Variants in ARHGAP26 observed in about 807,000 individuals in gnomAD.
The protein encoded by ARHGAP26 is Rho GTPase activating protein 26.
ARHGAP26 carries 38 observed loss-of-function variants against 104.8 expected under a neutral mutation model. That is an observed-to-expected ratio of 0.36 (90% CI 0.28 to 0.48). The LOEUF (loss-of-function observed/expected upper bound fraction) is 0.48, where lower values mean the gene tolerates loss of function less well. Ranked by LOEUF, ARHGAP26 falls within the 20% of genes least tolerant of loss-of-function variation. ARHGAP26 has a pLI of 0.99. For synonymous variants in ARHGAP26, 341 were observed against 340.0 expected (o/e 1.00, Z -0.03); for missense variants, 704 against 947.9 (o/e 0.74, Z 3.38).
At chr5:142,923,676 G>A (rs760584938) in intron 10 of ARHGAP26, among the ~76,000 whole-genome samples, 9 of 152,080 alleles carry the variant, frequency 5.9e-5, no homozygotes, top group Non-Finnish European at 1.3e-4. Context: ...TGGGCTTCCC[G>A]ATGTTTTACG....
intron 11 of ARHGAP26, among the ~76,000 whole-genome samples, chr5:142,992,824 C>T (rs1775815597): frequency 6.6e-6 from 1 of 152,222 alleles, no homozygotes; most frequent in South Asian, 2.1e-4. Context: ...TCATAGCTGA[C>T]ACTGCTGGGT....
chr5:143,016,450 A>G (rs112163591), intron 12 of ARHGAP26, among the ~76,000 whole-genome samples: 9 of 152,176 alleles, frequency 5.9e-5, no homozygotes, highest in Non-Finnish European at 1.3e-4. Flanking sequence ...CACGCCTGTA[A>G]TCCCAGCACT....
chr5:142,838,013 C>A (rs552855367), intron 1 of ARHGAP26, among the ~76,000 whole-genome samples: 7 of 152,260 alleles, frequency 4.6e-5, no homozygotes, highest in African/African-American at 1.4e-4. Context: ...AGTTCTGGCA[C>A]TTTGAGAAGC....
At chr5:143,011,738 A>T (rs1778788807) in intron 11 of ARHGAP26, among the ~76,000 whole-genome samples, 1 of 152,306 alleles carries the variant, frequency 6.6e-6, no homozygotes, top group South Asian at 2.1e-4. Flanking sequence ...TATAGATGAT[A>T]AAGATGCTGC....
chr5:143,057,602 G>A (rs756853981), intron 16 of ARHGAP26, 40 bp from the exon 17 acceptor site: 3 of 1,548,072 alleles, frequency 1.9e-6, no homozygotes, highest in Non-Finnish European at 2.7e-6. Flanking sequence ...TTGTTTAGCT[G>A]TGACACTGAT....
rs1811712912 is a variant in ARHGAP26 at position 143,226,741 on chromosome 5, T to A, written c.*4295T>A. 4.6e-6 allele frequency: 1 copy of A among 218,900 alleles called. No homozygotes were observed. The allele number at this position is 218,900 out of a possible 1,614,324, so 13.6% of individuals were successfully genotyped here. A position where few individuals can be genotyped will look rare whatever the true frequency, so the allele number is the denominator to read the frequency against. The stretch of plus-strand genomic sequence containing the variant: ...TGTTTTCTTATGTCAGACCACACTG[T>A]CTTTTTGAATATCAGTTCATTTCCT... On this transcript the variant is annotated 3_prime_UTR_variant, in exon 23 of 23. Coordinates refer to ENST00000645722, the MANE Select transcript of ARHGAP26 (RefSeq NM_001135608.3).
At position 143,199,110 on chromosome 5, in the gene ARHGAP26, G is replaced by T. The variant is rs144187973; in HGVS notation, c.1989-8088G>T. 3.4e-3 allele frequency among the ~76,000 whole-genome samples: 517 copies of T among 152,276 alleles called. 2 individuals carry two copies. Among genetic ancestry groups the T allele is most frequent in the African/African-American group, 0.012 (503 of 41,560 alleles). ...AAATAAGAAACCGAACTCTGTCATT[G>T]TTTAAATAAAAATGCATGTTAAATT... is the stretch of plus-strand genomic sequence containing the variant. On this transcript the variant is annotated intron_variant, in intron 20 of 22. Transcript: ENST00000645722.
At chr5:143,143,388 G>A (rs951877315) in intron 19 of ARHGAP26, among the ~76,000 whole-genome samples, 8 of 152,106 alleles carry the variant, frequency 5.3e-5, no homozygotes, top group African/African-American at 1.2e-4. Context: ...AAGTGAAGTC[G>A]CTTAGCTCCC....
At chr5:142,810,707 A>T (rs887453470) in intron 1 of ARHGAP26, among the ~76,000 whole-genome samples, 3 of 152,142 alleles carry the variant, frequency 2.0e-5, no homozygotes, top group African/African-American at 4.8e-5. Context: ...TGCTACATTG[A>T]TGTAATACCT....
chr5:143,164,409 C>T (rs1801664366), intron 20 of ARHGAP26, among the ~76,000 whole-genome samples: 2 of 152,174 alleles, frequency 1.3e-5, no homozygotes. Context: ...ATTTCCTCTT[C>T]CTTACAAGCC....
intron 17 of ARHGAP26, among the ~76,000 whole-genome samples, chr5:143,078,825 G>T (rs186749498): frequency 6.6e-6 from 1 of 152,186 alleles, no homozygotes; most frequent in African/African-American, 2.4e-5. Context: ...GACTTTCTTA[G>T]CATCTGAGCT....
intron 1 of ARHGAP26, among the ~76,000 whole-genome samples, chr5:142,776,237 T>C (rs187461295): frequency 6.6e-6 from 1 of 152,324 alleles, no homozygotes; most frequent in Non-Finnish European, 1.5e-5. Context: ...CCTCCCAAAG[T>C]GCTGCGATTA....
At chr5:143,177,550 A>G (rs1599378755) in intron 20 of ARHGAP26, among the ~76,000 whole-genome samples, 1 of 152,210 alleles carries the variant, frequency 6.6e-6, no homozygotes, top group Admixed American at 6.5e-5. Flanking sequence ...CTTGGAGACA[A>G]GGTGCTGTCG....
intron 20 of ARHGAP26, chr5:143,203,188 A>T (rs1163326681): frequency 5.9e-5 from 9 of 152,222 alleles, no homozygotes; most frequent in Non-Finnish European, 1.5e-5. Context: ...CAAAGGGCTA[A>T]TATCCAGAAT....
Position 142,781,067 on chromosome 5 carries a change from T to C in ARHGAP26, c.154+10152T>C, listed in dbSNP as rs867597698. On this transcript the variant is annotated intron_variant, in intron 1 of 22. Transcript: ENST00000645722. ...CCTTGTCTCCTAGATGCTCACTGTTTTGAGAGGAGGCAGGGAAACAGGCAG... is the reference window on the plus strand; with the variant it reads ...CCTTGTCTCCTAGATGCTCACTGTTCTGAGAGGAGGCAGGGAAACAGGCAG... Among the ~76,000 whole-genome samples the C allele has an allele frequency of 3.9e-5, 6 of 152,276 alleles. No individual in the cohort carries two copies. In the South Asian group the frequency reaches 1.2e-3, roughly 32 times the overall value.
At chr5:143,183,185 C>T (rs574898796) in intron 20 of ARHGAP26, among the ~76,000 whole-genome samples, 23 of 150,200 alleles carry the variant, frequency 1.5e-4, no homozygotes, top group African/African-American at 5.6e-4. Flanking sequence ...GATGTATAAA[C>T]ACAGTGCTTT....
chr5:142,783,161 C>T (rs1387938598), intron 1 of ARHGAP26, among the ~76,000 whole-genome samples: 1 of 152,240 alleles, frequency 6.6e-6, no homozygotes, highest in East Asian at 1.9e-4. Flanking sequence ...GCCTCGTGGG[C>T]ACATCTCAGA....
At chr5:142,835,124 A>G (rs1348827972) in intron 1 of ARHGAP26, among the ~76,000 whole-genome samples, 3 of 152,192 alleles carry the variant, frequency 2.0e-5, no homozygotes, top group Non-Finnish European at 2.9e-5. Flanking sequence ...TCTTTGGTAA[A>G]TCAAGTTTGA....
intron 20 of ARHGAP26, chr5:143,202,600 A>G (rs2151321313): frequency 6.6e-6 from 1 of 152,358 alleles, no homozygotes; most frequent in East Asian, 1.9e-4. Context: ...TGGAACCAAA[A>G]AAGAGCCCGT....
Sources: gnomAD v4.1 joint callset for allele counts (sites outside exome capture counted in the v4.1 genomes callset) on GRCh38, gnomAD v4.1.1 for gene constraint, MANE v1.5 for transcripts, NCBI Gene and HGNC (gene_info 2026-07-23, HGNC 2026-07-21) for gene names.